Variants in RADIL observed in about 807,000 individuals in gnomAD.
RADIL encodes ras-associating and dilute domain-containing protein.
A neutral mutation model predicts 97.6 loss-of-function variants in RADIL; 99 were observed. The ratio of observed to expected loss-of-function variants is 1.01; its 90% CI spans 0.86 to 1.20. RADIL has a LOEUF of 1.20. RADIL is among the 50% of genes most tolerant of loss of function. The pLI, the probability that RADIL is intolerant of heterozygous loss-of-function variation, is 0.00. For missense variants in RADIL, 1,765 were observed against 1,498.9 expected (o/e 1.18, Z -2.93); for synonymous variants, 803 against 691.8 (o/e 1.16, Z -2.52).
chr7:4,801,064 A>T (rs1453080979), intron 12 of RADIL, among the ~76,000 whole-genome samples: 2 of 152,208 alleles, frequency 1.3e-5, no homozygotes, highest in African/African-American at 4.8e-5. Context: ...ATGTGCAAGC[A>T]TGCCCATGCA....
chr7:4,871,911 C>T (rs17135264), intron 2 of RADIL, among the ~76,000 whole-genome samples: 13,543 of 152,156 alleles, frequency 0.089, 1,028 homozygotes, highest in African/African-American at 0.21. Flanking sequence ...TAAACCTCGG[C>T]GGCTTTACAA....
Position 4,865,863 on chromosome 7 carries a change from A to G in RADIL, c.535+11742T>C, listed in dbSNP as rs1583320477. ...CCCTTTTCTGTGTTGAGATATGTTTAGACACACAAATATTTACCGTTATGT... is the reference window on the plus strand; with the variant it reads ...CCCTTTTCTGTGTTGAGATATGTTTGGACACACAAATATTTACCGTTATGT... On this transcript the variant is annotated intron_variant, in intron 2 of 14. Coordinates refer to ENST00000399583, the MANE Select transcript of RADIL (RefSeq NM_018059.5). 7 of 677,424 alleles carry G rather than the reference A, an allele frequency of 1.0e-5. No individual in the cohort carries two copies. In the East Asian group the frequency reaches 1.6e-4, roughly 16 times the overall value. The allele number at this position is 677,424 out of a possible 1,614,324, so 42.0% of individuals were successfully genotyped here.
chr7:4,809,211 G>A (rs1011067226), intron 9 of RADIL: 4 of 985,206 alleles, frequency 4.1e-6, no homozygotes, highest in Middle Eastern at 5.2e-4. Context: ...CTGCCGACTC[G>A]GGCCTGCCCA....
At chr7:4,863,627 G>A (rs539218471) in intron 2 of RADIL, among the ~76,000 whole-genome samples, 2 of 152,358 alleles carry the variant, frequency 1.3e-5, no homozygotes, top group African/African-American at 4.8e-5. Flanking sequence ...AAGAGGACAT[G>A]TGGTTTTCAT....
At position 4,797,680 on chromosome 7, in the gene RADIL, A is replaced by G. The variant is rs945750725; in HGVS notation, c.*1698T>C. 7.2e-5 allele frequency: 11 copies of G among 152,342 alleles called. No individual in the cohort carries two copies. Among genetic ancestry groups the G allele is most frequent in the Middle Eastern group, 3.4e-3 (1 of 294 alleles). The allele number at this position is 152,342 out of a possible 1,614,324, so 9.4% of individuals were successfully genotyped here. A position where few individuals can be genotyped will look rare whatever the true frequency, so the allele number is the denominator to read the frequency against. On this transcript the variant is annotated 3_prime_UTR_variant, in exon 15 of 15. Coordinates refer to ENST00000399583, the MANE Select transcript of RADIL (RefSeq NM_018059.5). ...CTAACACACACGTTGTGGGACTCCT[A>G]GGAAAAGAAACAGAACAAGGCCAGG...
chr7:4,804,155 C>T, intron 10 of RADIL: 1 of 301,574 alleles, frequency 3.3e-6, no homozygotes, highest in East Asian at 7.4e-5. Flanking sequence ...TGCCTCCCTG[C>T]AGGAATCACG....
intron 2 of RADIL, among the ~76,000 whole-genome samples, chr7:4,876,044 G>C (rs1784370206): frequency 6.6e-6 from 1 of 152,120 alleles, no homozygotes; most frequent in Non-Finnish European, 1.5e-5. Context: ...TGTTGCCTGG[G>C]CTAGAGTGCA....
chr7:4,825,970 C>T (rs1022386988), intron 5 of RADIL, among the ~76,000 whole-genome samples: 7 of 150,280 alleles, frequency 4.7e-5, no homozygotes, highest in African/African-American at 1.2e-4. Flanking sequence ...GGGCCAGGTG[C>T]GGTAGCTCAC....
intron 2 of RADIL, among the ~76,000 whole-genome samples, chr7:4,865,955 G>A (rs975368676): frequency 6.6e-6 from 1 of 152,072 alleles, no homozygotes; most frequent in Non-Finnish European, 1.5e-5. Context: ...GGAGCAATAG[G>A]CTATGCCATA....
intron 10 of RADIL, chr7:4,804,000 G>C (rs576308664): frequency 3.4e-5 from 20 of 582,440 alleles, no homozygotes; most frequent in Non-Finnish European, 6.3e-5. Context: ...ACAAGGCCTT[G>C]TAGCCAGGAA....
Position 4,816,365 on chromosome 7 carries a change from C to G in RADIL, c.1829G>C (p.Arg610Pro). The G allele has an allele frequency of 6.2e-7, 1 of 1,610,844 alleles. No homozygotes were observed. Among genetic ancestry groups the G allele is most frequent in the East Asian group, 2.2e-5 (1 of 44,802 alleles). ...SSAPELPEEL[R>P]RVVSVYQAAL... Reference sequence around the variant, plus strand: ...TGCCTGGTACACAGACACCACGCGGCGCAGCTCCTCGGGCAGTTCGGGGGC... The same window carrying G: ...TGCCTGGTACACAGACACCACGCGGGGCAGCTCCTCGGGCAGTTCGGGGGC... The change falls in exon 8 of 15, where the codon CGC becomes CCC. Residue 610 changes from arginine to proline, a missense_variant. Physicochemically the swap from Arg to Pro is moderately radical, Grantham distance 103. Transcript: ENST00000399583.
chr7:4,851,344 G>A (rs572284232), intron 2 of RADIL, among the ~76,000 whole-genome samples: 39 of 152,344 alleles, frequency 2.6e-4, no homozygotes, highest in Non-Finnish European at 5.3e-4. Flanking sequence ...TGAGAAGCAG[G>A]ATGGGGAAAG....
At chr7:4,808,622 G>A (rs1480291301) in intron 9 of RADIL, 1 of 985,112 alleles carries the variant, frequency 1.0e-6, no homozygotes, top group Admixed American at 6.2e-5. Context: ...AAGCAGCCCC[G>A]CGGCCCTGGT....
chr7:4,836,155 A>C (rs1055931224), intron 3 of RADIL, among the ~76,000 whole-genome samples: 1 of 152,202 alleles, frequency 6.6e-6, no homozygotes, highest in South Asian at 2.1e-4. Context: ...ACTGCCGCCC[A>C]CCGTGGCCTG....
In RADIL at chr7:4,799,699, C is replaced by A; in HGVS notation, c.3053G>T (p.Gly1018Val). ...GATACGGTCCCCCAGCGACAGGCGC[C>A]CGTCGGCCGCTGCGGGGCTGCCCGG... ...LLPGSPAAAD[G>V]RLSLGDRILE... is the part of the protein sequence containing the mutation. Residue 1018 changes from glycine (G) to valine (V), a missense_variant, in exon 14 of 15, where the codon GGG (glycine) becomes GTG (valine). Gly to Val is a moderately radical substitution (Grantham distance 109). Coordinates refer to ENST00000399583, the MANE Select transcript of RADIL (RefSeq NM_018059.5). The A allele has an allele frequency of 6.3e-7, 1 of 1,577,624 alleles. No individual in the cohort carries two copies.
In RADIL at chr7:4,801,880, C is replaced by CCT; in HGVS notation, c.2614_2615insAG (p.Arg872LysfsTer120). 6.3e-7 allele frequency: 1 copy of CCT among 1,589,514 alleles called. No individual in the cohort carries two copies. Among genetic ancestry groups the CCT allele is most frequent in the African/African-American group, 1.3e-5 (1 of 74,562 alleles). ...GGGGGCCTGTGCCCAGGGAGCCCCC[C>CCT]TCAAGGGAAGAGTACGCTCCGGGGC... On this transcript the variant is annotated frameshift_variant, in exon 12 of 15. Coordinates refer to ENST00000399583, the MANE Select transcript of RADIL (RefSeq NM_018059.5). LOFTEE classifies it high-confidence loss of function.
chr7:4,851,233 G>C (rs960384349), intron 2 of RADIL, among the ~76,000 whole-genome samples: 7 of 151,888 alleles, frequency 4.6e-5, no homozygotes, highest in Non-Finnish European at 1.0e-4. Flanking sequence ...GAAAAGAAAA[G>C]TTCGGATTTT....
chr7:4,808,026 A>C (rs899861432), intron 9 of RADIL, among the ~76,000 whole-genome samples: 53 of 28,710 alleles, frequency 1.8e-3, no homozygotes, highest in South Asian at 4.0e-3. Flanking sequence ...CTCTCCCTCC[A>C]TCTTTCTCCG....
In RADIL at chr7:4,835,073, A is replaced by G. The variant is rs747043394; in HGVS notation, c.950T>C (p.Leu317Pro). The change falls in exon 4 of 15, where the codon CTG becomes CCG. Residue 317 changes from leucine (L) to proline (P), a missense_variant. By Grantham distance (98) the Leu-to-Pro change is moderately conservative. Coordinates refer to ENST00000399583, the MANE Select transcript of RADIL (RefSeq NM_018059.5). The surrounding 1 kb of genome is among the most constrained non-coding windows in gnomAD (Gnocchi z 5.8). ...DSGQAAGRLV[L>P]EPIPGAHISV... ...GATGTGCGCCCCGGGGATGGGCTCC[A>G]GGACCAGCCTCCCCGCGGCCTGGCC... 3.1e-6 allele frequency: 5 copies of G among 1,607,818 alleles called. No individual in the cohort carries two copies. The highest frequency in any genetic ancestry group is 3.4e-6 in the Non-Finnish European group (4 of 1,177,612).
Sources: allele counts gnomAD v4.1 joint callset (sites outside exome capture counted in the v4.1 genomes callset), GRCh38; gene constraint gnomAD v4.1.1; non-coding constraint Gnocchi (gnomAD v3.1); transcripts MANE v1.5; gene names NCBI Gene and HGNC (gene_info 2026-07-23, HGNC 2026-07-21).